PFKFB3: variants seen among roughly 807,000 people sequenced by gnomAD.
The protein encoded by PFKFB3 is 6-phosphofructo-2-kinase/fructose-2,6-biphosphatase 3, also known as 6-phosphofructo-2-kinase/fructose-2,6-bisphosphatase 3.
A neutral mutation model predicts 68.0 loss-of-function variants in PFKFB3; 33 were observed. The ratio of observed to expected loss-of-function variants is 0.49; its 90% CI spans 0.37 to 0.65. The LOEUF is 0.65. Among genes scored for constraint, PFKFB3 ranks in the 30% least tolerant of loss-of-function variants. The pLI is 0.00. For synonymous variants in PFKFB3, 315 were observed against 288.2 expected (o/e 1.09, Z -0.94); for missense variants, 586 against 712.2 (o/e 0.82, Z 2.02).
chr10:6,147,864 A>ACCTGACGGG (rs1841444055), intron 1 of PFKFB3, among the ~76,000 whole-genome samples: 4 of 152,080 alleles, frequency 2.6e-5, no homozygotes, highest in African/African-American at 9.7e-5. Flanking sequence ...CATACAGGGG[A>ACCTGACGGG]GTCTGCTGGG....
At chr10:6,166,596 G>T (rs796244001) in intron 1 of PFKFB3, among the ~76,000 whole-genome samples, 5 of 152,038 alleles carry the variant, frequency 3.3e-5, no homozygotes, top group South Asian at 2.1e-4. Flanking sequence ...GGAGATTGTC[G>T]CTGGTCAGAG....
the PFKFB3 span, among the ~76,000 whole-genome samples, chr10:6,323,592 A>C: frequency 6.6e-6 from 1 of 152,214 alleles, no homozygotes. Flanking sequence ...GAAGAGGAAA[A>C]AAATTTTCAC....
At chr10:6,217,005 T>G (rs1588503365) in intron 5 of PFKFB3, 130 bp from the exon 6 acceptor site, 1 of 973,252 alleles carries the variant, frequency 1.0e-6, no homozygotes, top group South Asian at 1.4e-5. Context: ...AGTGAGGAGG[T>G]GGGCTTTCCT....
In PFKFB3 at chr10:6,178,916, C is replaced by T. The variant is rs527355327; in HGVS notation, c.16+33903C>T. On this transcript the variant is annotated intron_variant, in intron 1 of 14. Coordinates refer to the PFKFB3 transcript ENST00000379789. The stretch of plus-strand genomic sequence containing the variant: ...TGAGAAGTGTCCCCAACCCAGTTCC[C>T]GTCTCACTACCAGCCACCACCTCCC... Among the ~76,000 whole-genome samples, 17 of 152,318 alleles carry T rather than the reference C, an allele frequency of 1.1e-4. No individual in the cohort carries two copies. The South Asian group carries it at 1.7e-3, about 15-fold the overall frequency.
At chr10:6,222,778 CTGA>C in intron 10 of PFKFB3, 74 bp from the exon 11 acceptor site, 1 of 1,495,444 alleles carries the variant, frequency 6.7e-7, no homozygotes. Context: ...TCTGGCCGGT[CTGA>C]TGCAGTCTGT....
intron 13 of PFKFB3, chr10:6,224,582 G>T (rs1437466624): frequency 2.3e-6 from 1 of 433,152 alleles, no homozygotes; most frequent in Non-Finnish European, 4.6e-6. Context: ...CTGGGTTCAA[G>T]TGATCCTCCC....
chr10:6,167,361 T>TA (rs1842175726), intron 1 of PFKFB3, among the ~76,000 whole-genome samples: 1 of 152,226 alleles, frequency 6.6e-6, no homozygotes, highest in Non-Finnish European at 1.5e-5. Flanking sequence ...ACTGAGTCTG[T>TA]AGTGAGGATG....
chr10:6,304,527 T>C, the PFKFB3 span, among the ~76,000 whole-genome samples: 1 of 150,374 alleles, frequency 6.7e-6, no homozygotes, highest in African/African-American at 2.5e-5. Context: ...GCCTGGCTAA[T>C]TTTTTGTAGT....
intron 1 of PFKFB3, among the ~76,000 whole-genome samples, chr10:6,207,110 G>A (rs539359608): frequency 4.6e-5 from 7 of 151,986 alleles, no homozygotes; most frequent in Non-Finnish European, 1.5e-5. Flanking sequence ...AAGTTGTAGC[G>A]AGCCGAGATC....
At chr10:6,177,298 T>G (rs949535082) in intron 1 of PFKFB3, among the ~76,000 whole-genome samples, 2 of 152,218 alleles carry the variant, frequency 1.3e-5, no homozygotes, top group Non-Finnish European at 2.9e-5. Context: ...TTGCTTTTTC[T>G]CTTACACATA....
chr10:6,158,603 C>A (rs117435716), intron 1 of PFKFB3, among the ~76,000 whole-genome samples: 2 of 152,098 alleles, frequency 1.3e-5, no homozygotes, highest in African/African-American at 4.8e-5. Context: ...CGGTAGCTCA[C>A]GCCTGTAATC....
At chr10:6,258,016 G>A (rs1846508330), downstream of PFKFB3, among the ~76,000 whole-genome samples, 1 of 152,124 alleles carries the variant, frequency 6.6e-6, no homozygotes, top group Non-Finnish European at 1.5e-5. Context: ...CCCAGGCATG[G>A]ACACTCCAAA....
chr10:6,294,118 T>C, the PFKFB3 span: 193 of 495,722 alleles, frequency 3.9e-4, 3 homozygotes, highest in East Asian at 0.01. Flanking sequence ...ATGGTCATAT[T>C]TGCATGTGTT....
At chr10:6,183,951 A>G (rs1842797223) in intron 1 of PFKFB3, among the ~76,000 whole-genome samples, 1 of 151,260 alleles carries the variant, frequency 6.6e-6, no homozygotes, top group African/African-American at 2.4e-5. Context: ...CGCCCTCCCA[A>G]AGTGCTGGGA....
chr10:6,152,440 G>A (rs1458158643), intron 1 of PFKFB3, among the ~76,000 whole-genome samples: 3 of 152,152 alleles, frequency 2.0e-5, no homozygotes, highest in Middle Eastern at 3.2e-3. Flanking sequence ...GGGAGGAAGC[G>A]TCTGGTAGGA....
chr10:6,198,245 C>CA (rs58649656), upstream of PFKFB3, among the ~76,000 whole-genome samples: 63 of 114,338 alleles, frequency 5.5e-4, no homozygotes, highest in African/African-American at 1.3e-3. Context: ...GACTCCGTCT[C>CA]AAAAAAAAAA....
intron 1 of PFKFB3, among the ~76,000 whole-genome samples, chr10:6,175,159 T>G (rs1588421696): frequency 6.6e-6 from 1 of 152,308 alleles, no homozygotes; most frequent in African/African-American, 2.4e-5. Context: ...CCAGCTTCTC[T>G]CCTCAAACCT....
chr10:6,177,490 C>CT (rs745778210), intron 1 of PFKFB3, among the ~76,000 whole-genome samples: 1 of 19,370 alleles, frequency 5.2e-5, no homozygotes, highest in African/African-American at 1.5e-4. Flanking sequence ...CTTTCTTTTT[C>CT]TTTTCTTTCT....
chr10:6,169,452 G>A (rs1032960773), intron 1 of PFKFB3, among the ~76,000 whole-genome samples: 4 of 152,152 alleles, frequency 2.6e-5, no homozygotes, highest in African/African-American at 4.8e-5. Context: ...CGGGGTGTGG[G>A]TAGGAGACTG....
Sources: allele counts gnomAD v4.1 joint callset (sites outside exome capture counted in the v4.1 genomes callset), GRCh38; gene constraint gnomAD v4.1.1; transcripts MANE v1.5; gene names NCBI Gene and HGNC (gene_info 2026-07-23, HGNC 2026-07-21).